The following TIAM1 variants were observed in gnomAD, a reference collection of about 807,000 sequenced individuals.
TIAM1 encodes the protein rho guanine nucleotide exchange factor TIAM1.
TIAM1 carries 65 observed loss-of-function variants against 163.5 expected under a neutral mutation model. The ratio of observed to expected loss-of-function variants is 0.40; its 90% CI spans 0.33 to 0.49. The LOEUF is 0.49. Ranked by LOEUF, TIAM1 falls within the 20% of genes least tolerant of loss-of-function variation. The pLI is 0.77. For missense variants in TIAM1, 1,789 were observed against 2,044.7 expected (o/e 0.87, Z 2.41); for synonymous variants, 833 against 810.1 (o/e 1.03, Z -0.48).
At chr21:31,495,987 A>G (rs1435740144) in intron 1 of TIAM1, among the ~76,000 whole-genome samples, 2 of 151,890 alleles carry the variant, frequency 1.3e-5, no homozygotes, top group Non-Finnish European at 2.9e-5. Context: ...AAAGATTACA[A>G]TGGAGCTCTC....
intron 22 of TIAM1, among the ~76,000 whole-genome samples, chr21:31,137,693 C>T (rs2247802): frequency 0.63 from 95,313 of 150,894 alleles, 30,892 homozygotes; most frequent in African/African-American, 0.78. Flanking sequence ...CACACATCGC[C>T]GCCCGGATGA....
intron 2 of TIAM1, among the ~76,000 whole-genome samples, chr21:31,354,653 C>T (rs118074820): frequency 1.3e-5 from 2 of 152,282 alleles, no homozygotes; most frequent in East Asian, 3.9e-4. Context: ...CCCGGTAAAA[C>T]ATGCATGACA....
At chr21:31,516,151 C>T (rs2047374809) in intron 1 of TIAM1, among the ~76,000 whole-genome samples, 1 of 151,006 alleles carries the variant, frequency 6.6e-6, no homozygotes, top group South Asian at 2.1e-4. Flanking sequence ...GTGGCTCACA[C>T]CTGTAATCCC....
At chr21:31,338,822 A>G (rs568646666) in intron 2 of TIAM1, among the ~76,000 whole-genome samples, 2 of 152,342 alleles carry the variant, frequency 1.3e-5, no homozygotes, top group South Asian at 4.1e-4. Context: ...AGCAGTTTAC[A>G]TCAATGCTTA....
chr21:31,182,512 T>C lies in TIAM1; in HGVS notation c.2796A>G (p.Glu932=), dbSNP rs1454322447. Residue 932 remains glutamate, a synonymous_variant, in exon 15 of 28, where the codon GAA becomes GAG. Transcript: ENST00000541036. The part of the protein sequence containing the change: ...LLVRTYPELE[E]GVELLESPPH... ...GCGGGCTTTCCAGCAGCTCCACTCCTTCCTCCAGCTCGGGGTAGGTCCTCA... is the reference window on the plus strand; with the variant it reads ...GCGGGCTTTCCAGCAGCTCCACTCCCTCCTCCAGCTCGGGGTAGGTCCTCA... The C allele has an allele frequency of 6.2e-7, 1 of 1,613,706 alleles. No homozygotes were observed. The highest frequency in any genetic ancestry group is 2.2e-5 in the East Asian group (1 of 44,832).
At chr21:31,544,554 G>A (rs954320881) in intron 1 of TIAM1, among the ~76,000 whole-genome samples, 5 of 151,840 alleles carry the variant, frequency 3.3e-5, no homozygotes, top group South Asian at 4.2e-4. Context: ...CTTGAACCCC[G>A]GTGGCAAAGG....
chr21:31,537,152 A>G (rs952683727), intron 1 of TIAM1, among the ~76,000 whole-genome samples: 1 of 152,194 alleles, frequency 6.6e-6, no homozygotes, highest in Non-Finnish European at 1.5e-5. Context: ...TCTGGGGTCC[A>G]CTATAATCCA....
Position 31,293,203 on chromosome 21 carries a change from A to G in TIAM1, c.-188-16295T>C, listed in dbSNP as rs574741183. ...ATCTGCAAGGTAGGGTTGGAGACCC[A>G]GGGAAAAAATGATGCTGCAGTTTGA... On this transcript the variant is annotated intron_variant, in intron 2 of 27. Coordinates refer to ENST00000541036, the MANE Select transcript of TIAM1 (RefSeq NM_001353694.2). Among the ~76,000 whole-genome samples, 3 of 152,288 alleles carry G rather than the reference A, an allele frequency of 2.0e-5. No homozygotes were observed. The South Asian group carries it at 6.2e-4, about 32-fold the overall frequency.
At chr21:31,186,673 TG>T (rs1481074570) in intron 14 of TIAM1, among the ~76,000 whole-genome samples, 2 of 151,984 alleles carry the variant, frequency 1.3e-5, no homozygotes, top group African/African-American at 2.4e-5. Context: ...CCTAGCGACC[TG>T]GGGGGCTGAG....
At position 31,387,779 on chromosome 21, in the gene TIAM1, G is replaced by T. The variant is rs147588417; in HGVS notation, c.-368-48357C>A. 3.8e-3 allele frequency among the ~76,000 whole-genome samples: 583 copies of T among 152,204 alleles called. 2 individuals are homozygous for T. Among genetic ancestry groups the T allele is most frequent in the African/African-American group, 0.013 (558 of 41,552 alleles). On this transcript the variant is annotated intron_variant, in intron 2 of 28. Transcript: ENST00000286827. ...TGAGCGTCACTTGGGGAGGAGGTGGGCCTGGAGGGAAGCCGGCAGCAGCAG... is the reference window on the plus strand; with the variant it reads ...TGAGCGTCACTTGGGGAGGAGGTGGTCCTGGAGGGAAGCCGGCAGCAGCAG...
Position 31,411,471 on chromosome 21 carries a change from CTT to C in TIAM1, c.-369+52510_-369+52511del, listed in dbSNP as rs11362012. On this transcript the variant is annotated intron_variant, in intron 2 of 28. Coordinates refer to the TIAM1 transcript ENST00000286827. ...ATACATGTGGCCATTTCCCAAGAAA[CTT>C]TTTTTTTTTTTTTTTTTTTGGAGAT... 9.6e-3 allele frequency among the ~76,000 whole-genome samples: 989 copies of C among 102,702 alleles called. 11 individuals are homozygous for C. The highest frequency in any genetic ancestry group is 0.026 in the African/African-American group (717 of 27,624). The allele number at this position is 102,702 out of a possible 152,430, so 67.4% of individuals were successfully genotyped here.
intron 1 of TIAM1, among the ~76,000 whole-genome samples, chr21:31,498,476 T>A (rs889309791): frequency 2.6e-5 from 4 of 152,222 alleles, no homozygotes; most frequent in African/African-American, 9.6e-5. Context: ...AAACCCACAG[T>A]TGCTCTCCCA....
intron 2 of TIAM1, among the ~76,000 whole-genome samples, chr21:31,305,736 G>A (rs938995684): frequency 3.3e-5 from 5 of 152,132 alleles, no homozygotes; most frequent in African/African-American, 1.2e-4. Context: ...TTCTGTGCCA[G>A]TTTATGAATT....
chr21:31,298,426 G>A (rs922518842), intron 2 of TIAM1, among the ~76,000 whole-genome samples: 6 of 152,208 alleles, frequency 3.9e-5, no homozygotes, highest in African/African-American at 1.4e-4. Flanking sequence ...GACTACCGCG[G>A]GAAATAATCT....
At chr21:31,305,356 C>T (rs2074662464) in intron 2 of TIAM1, among the ~76,000 whole-genome samples, 1 of 151,262 alleles carries the variant, frequency 6.6e-6, no homozygotes, top group African/African-American at 2.4e-5. Flanking sequence ...GATCTCAGGA[C>T]TCAGCAGCAA....
chr21:31,443,964 C>T (rs980723909), intron 2 of TIAM1, among the ~76,000 whole-genome samples: 1 of 152,182 alleles, frequency 6.6e-6, no homozygotes, highest in African/African-American at 2.4e-5. Context: ...TTCATAAAAG[C>T]TGAACCTCAT....
chr21:31,417,103 A>C (rs1469172735), intron 2 of TIAM1, among the ~76,000 whole-genome samples: 4 of 152,076 alleles, frequency 2.6e-5, no homozygotes, highest in Non-Finnish European at 2.9e-5. Context: ...GCTCACTGCA[A>C]CCTCTGCCTC....
At chr21:31,306,495 G>A (rs185496956) in intron 2 of TIAM1, among the ~76,000 whole-genome samples, 85 of 152,126 alleles carry the variant, frequency 5.6e-4, no homozygotes, top group Non-Finnish European at 9.6e-4. Context: ...TGGGAAGGCT[G>A]GCAATGCTGT....
chr21:31,418,943 C>T (rs77136689), intron 2 of TIAM1, among the ~76,000 whole-genome samples: 2,497 of 152,260 alleles, frequency 0.016, 37 homozygotes, highest in Middle Eastern at 0.054. Context: ...CAGCCCCCAC[C>T]GAGCGGTCTA....
Sources: gnomAD v4.1 joint callset for allele counts (sites outside exome capture counted in the v4.1 genomes callset) on GRCh38, gnomAD v4.1.1 for gene constraint, MANE v1.5 for transcripts, NCBI Gene and HGNC (gene_info 2026-07-23, HGNC 2026-07-21) for gene names.